The following FGD2 variants were observed in gnomAD, a reference collection of about 807,000 sequenced individuals.
The protein encoded by FGD2 is FYVE, RhoGEF and PH domain containing 2, also known as FYVE, RhoGEF and PH domain-containing protein 2.
A neutral mutation model predicts 75.9 loss-of-function variants in FGD2; 52 were observed. That is an observed-to-expected ratio of 0.69 (90% CI 0.55 to 0.86). The LOEUF is 0.86. Ranked by LOEUF, FGD2 falls within the 40% of genes least tolerant of loss-of-function variation. FGD2 has a pLI of 0.00. For missense variants in FGD2, 790 were observed against 872.0 expected (o/e 0.91, Z 1.18); for synonymous variants, 347 against 348.6 (o/e 1.00, Z 0.05).
Position 37,011,005 on chromosome 6 carries a change from G to A in FGD2, c.333G>A (p.Leu111=). The A allele has an allele frequency of 6.2e-7, 1 of 1,614,202 alleles. No homozygotes were observed. Among genetic ancestry groups the A allele is most frequent in the Non-Finnish European group, 8.5e-7 (1 of 1,180,038 alleles). ...AGAAGAAGATCGTCCAGGAGCTGCTGGAGACAGAGCAGGCCTATGTGGCGC... is the reference window on the plus strand; with the variant it reads ...AGAAGAAGATCGTCCAGGAGCTGCTAGAGACAGAGCAGGCCTATGTGGCGC... ...EPEKKIVQEL[L]ETEQAYVARL... The change falls in exon 3 of 16, where the codon CTG becomes CTA. Residue 111 remains leucine (L), a synonymous_variant. Transcript: ENST00000274963.
rs142629126 is a variant in FGD2 at position 37,012,645 on chromosome 6, G to A, written c.527+791G>A. Among the ~76,000 whole-genome samples the A allele has an allele frequency of 3.4e-3, 509 of 150,824 alleles. 2 individuals are homozygous for A. Among genetic ancestry groups the A allele is most frequent in the African/African-American group, 0.012 (484 of 41,042 alleles). ...GAGGATTGCTGGAGCCCGGAAAGTC[G>A]AGGCTGCAGTGAGCCATGATTGTGC... On this transcript the variant is annotated intron_variant, in intron 4 of 15. Coordinates refer to ENST00000274963, the MANE Select transcript of FGD2 (RefSeq NM_173558.4).
rs1258829859 is a variant in FGD2, at chr6:37,015,003, C to T, written c.994C>T (p.Arg332Cys). 13 of 1,614,012 alleles carry T rather than the reference C, an allele frequency of 8.1e-6. No individual in the cohort carries two copies. The highest frequency in any genetic ancestry group is 5.0e-5 in the Admixed American group (3 of 59,996). The change falls in exon 8 of 16, where the codon CGC becomes TGC. Residue 332 changes from arginine (R) to cysteine (C), a missense_variant. Transcript: ENST00000274963. ...REGPVLKISF[R>C]RNDPMERYLF... Reference sequence around the variant, plus strand: ...GGGCCCGGTCCTCAAGATCTCCTTCCGCCGCAACGACCCCATGGAGCGCTA... The same window carrying T: ...GGGCCCGGTCCTCAAGATCTCCTTCTGCCGCAACGACCCCATGGAGCGCTA...
At chr6:37,013,442 G>A (rs576711382) in intron 4 of FGD2, 167 bp from the exon 5 acceptor site, 5 of 1,423,252 alleles carry the variant, frequency 3.5e-6, no homozygotes. Flanking sequence ...CACAGTCTAA[G>A]GAGTAGAGGG....
chr6:37,009,150 G>A lies in FGD2; in HGVS notation c.300+85G>A, dbSNP rs544873865. 8.2e-6 allele frequency: 11 copies of A among 1,333,724 alleles called. No homozygotes were observed. In the South Asian group the frequency reaches 1.4e-4, roughly 17 times the overall value. The allele number at this position is 1,333,724 out of a possible 1,614,324, so 82.6% of individuals were successfully genotyped here. ...CCCTCCACACATGCTTTCCTAGCCA[G>A]AGCCAGCAGTTCCCCAGGTGGGGGT... On this transcript the variant is annotated intron_variant, in intron 2 of 15. Coordinates refer to ENST00000274963, the MANE Select transcript of FGD2 (RefSeq NM_173558.4).
intron 15 of FGD2, 119 bp downstream of exon 15, chr6:37,027,694 A>G (rs1765892750): frequency 1.5e-6 from 2 of 1,315,294 alleles, no homozygotes; most frequent in African/African-American, 1.5e-5. Flanking sequence ...CTGAGGCCCA[A>G]TGAGGATATG....
At chr6:37,025,748 G>A (rs370206121) in intron 13 of FGD2, 44 bp from the exon 14 acceptor site, 7 of 1,609,766 alleles carry the variant, frequency 4.3e-6, no homozygotes, top group Admixed American at 1.7e-5. Flanking sequence ...CCAGCCCTCC[G>A]GTGCCTGGTC....
chr6:37,013,348 A>G, intron 4 of FGD2: 1 of 869,474 alleles, frequency 1.2e-6, no homozygotes, highest in Non-Finnish European at 1.6e-6. Flanking sequence ...CAGTTACTGA[A>G]CACCTGCTGT....
intron 9 of FGD2, among the ~76,000 whole-genome samples, chr6:37,017,788 C>T (rs1334441801): frequency 1.3e-5 from 2 of 150,916 alleles, no homozygotes; most frequent in African/African-American, 4.8e-5. Flanking sequence ...CTCCAGAGAC[C>T]CCAGCAAAAG....
chr6:37,012,697 G>C (rs1765067597), intron 4 of FGD2, among the ~76,000 whole-genome samples: 1 of 143,722 alleles, frequency 7.0e-6, no homozygotes, highest in African/African-American at 2.6e-5. Flanking sequence ...GGGTGACAGA[G>C]AGAGACCCTG....
intron 12 of FGD2, chr6:37,022,011 A>AT: frequency 1.7e-6 from 1 of 575,434 alleles, no homozygotes; most frequent in Non-Finnish European, 2.9e-6. Context: ...CTGCTGAGTC[A>AT]TTTGACCTCT....
At position 37,011,760 on chromosome 6, in the gene FGD2, G is replaced by A. The variant is rs752500567; in HGVS notation, c.433G>A (p.Asp145Asn). 23 of 1,614,034 alleles carry A rather than the reference G, an allele frequency of 1.4e-5. No homozygotes were observed. The highest frequency in any genetic ancestry group is 1.8e-5 in the Non-Finnish European group (21 of 1,180,026). ...TARSSKAFPE[D>N]VVRVIFSNIS... ...CCGCAGCAGCAAGGCCTTCCCAGAG[G>A]ATGTGGTCAGGGTCATCTTCTCCAA... The change falls in exon 4 of 16, where the codon GAT becomes AAT. Residue 145 changes from aspartate (D) to asparagine (N), a missense_variant. Asp to Asn is a conservative substitution (Grantham distance 23). Transcript: ENST00000274963.
At position 37,011,008 on chromosome 6, in the gene FGD2, G is replaced by A. The variant is rs756775539; in HGVS notation, c.336G>A (p.Glu112=). ...AGAAGATCGTCCAGGAGCTGCTGGA[G>A]ACAGAGCAGGCCTATGTGGCGCGCC... ...PEKKIVQELL[E]TEQAYVARLH... The change falls in exon 3 of 16, where the codon GAG becomes GAA. Residue 112 remains glutamate (E), a synonymous_variant. Coordinates refer to ENST00000274963, the MANE Select transcript of FGD2 (RefSeq NM_173558.4). 2.5e-6 allele frequency: 4 copies of A among 1,614,214 alleles called. No homozygotes were observed. In the East Asian group the frequency reaches 8.9e-5, roughly 36 times the overall value.
intron 11 of FGD2, 80 bp from the exon 12 acceptor site, chr6:37,021,432 C>A: frequency 7.8e-7 from 1 of 1,281,324 alleles, no homozygotes; most frequent in Non-Finnish European, 1.1e-6. Flanking sequence ...CTGTCTGTTG[C>A]ATGCACGGAA....
intron 4 of FGD2, chr6:37,013,404 C>G: frequency 8.0e-6 from 11 of 1,376,688 alleles, no homozygotes; most frequent in Non-Finnish European, 1.0e-5. Flanking sequence ...CAACCTGGGA[C>G]CAGAACAGCC....
intron 9 of FGD2, among the ~76,000 whole-genome samples, chr6:37,018,335 C>G (rs962497574): frequency 6.6e-6 from 1 of 152,144 alleles, no homozygotes; most frequent in African/African-American, 2.4e-5. Flanking sequence ...CTCCAGCAGC[C>G]GCACAGCACC....
At position 37,027,893 on chromosome 6, in the gene FGD2, C is replaced by T. The variant is rs977150954; in HGVS notation, c.1753-55C>T. 3.2e-6 allele frequency: 5 copies of T among 1,581,948 alleles called. No homozygotes were observed. The African/African-American group carries it at 5.4e-5, about 17-fold the overall frequency. ...TGGCTGTTGCCTTCACGATGGCTAT[C>T]TGGGGCAGTAGGACTGAGAGGGGAC... On this transcript the variant is annotated intron_variant, in intron 15 of 15. Coordinates refer to ENST00000274963, the MANE Select transcript of FGD2 (RefSeq NM_173558.4).
chr6:37,028,078 T>A lies in FGD2; in HGVS notation c.1883T>A (p.Leu628Gln). The change falls in exon 16 of 16, where the codon CTG becomes CAG. Residue 628 changes from leucine (L) to glutamine (Q), a missense_variant. Physicochemically the swap from Leu to Gln is moderately radical, Grantham distance 113. Coordinates refer to ENST00000274963, the MANE Select transcript of FGD2 (RefSeq NM_173558.4). ...ACCTTCAAGGCCGAGACGGAGGAGC[T>A]GAAGGGCCGCTGGGTGAAGGCCATG... ...LYTFKAETEE[L>Q]KGRWVKAMER... 1 of 1,613,654 alleles carries A rather than the reference T, an allele frequency of 6.2e-7. No homozygotes were observed. Among genetic ancestry groups the A allele is most frequent in the East Asian group, 2.2e-5 (1 of 44,872 alleles).
intron 6 of FGD2, chr6:37,014,377 A>G: frequency 1.6e-6 from 1 of 614,932 alleles, no homozygotes; most frequent in South Asian, 2.0e-5. Context: ...TGCTCCTTCC[A>G]TTATACCCTC....
At chr6:37,021,812 G>C (rs1355070090) in intron 12 of FGD2, 2 of 559,088 alleles carry the variant, frequency 3.6e-6, no homozygotes, top group Non-Finnish European at 6.4e-6. Context: ...GAGCCTGTCT[G>C]CACAGCTGTC....
Sources: allele counts gnomAD v4.1 joint callset (sites outside exome capture counted in the v4.1 genomes callset), GRCh38; gene constraint gnomAD v4.1.1; transcripts MANE v1.5; gene names NCBI Gene and HGNC (gene_info 2026-07-23, HGNC 2026-07-21).